The following SH3YL1 variants were observed in gnomAD, a reference collection of about 807,000 sequenced individuals.
SH3YL1 encodes the protein SH3 and SYLF domain containing 1.
In SH3YL1, 41 loss-of-function variants were observed where a neutral mutation model predicts 45.8. The ratio of observed to expected loss-of-function variants is 0.89; its 90% CI spans 0.70 to 1.16. The LOEUF is 1.16. Ranked by LOEUF, SH3YL1 falls within the 50% of genes most tolerant of loss-of-function variation. The pLI is 0.00. For missense variants in SH3YL1, 389 were observed against 409.6 expected (o/e 0.95, Z 0.43); for synonymous variants, 152 against 151.4 (o/e 1.00, Z -0.03).
upstream of SH3YL1, chr2:264,352 C>T (rs910823477): frequency 1.1e-5 from 3 of 266,780 alleles, no homozygotes; most frequent in Non-Finnish European, 2.1e-5. Flanking sequence ...GTGACCCGCC[C>T]AGCCCCTCTA....
At chr2:260,777 C>T (rs1206407661) in intron 1 of SH3YL1, 1 of 152,218 alleles carries the variant, frequency 6.6e-6, no homozygotes, top group Non-Finnish European at 1.5e-5. Flanking sequence ...AATCTTATCC[C>T]CTCAGAAGAC....
chr2:235,379 A>G (rs1411118156), intron 4 of SH3YL1, among the ~76,000 whole-genome samples: 4 of 101,626 alleles, frequency 3.9e-5, no homozygotes, highest in Non-Finnish European at 9.4e-5. Context: ...GGGAGGCAGC[A>G]GCATGGGCCA....
At chr2:228,437 A>G (rs1667879249) in intron 8 of SH3YL1, among the ~76,000 whole-genome samples, 1 of 152,222 alleles carries the variant, frequency 6.6e-6, no homozygotes, top group African/African-American at 2.4e-5. Context: ...GTCCACAGTC[A>G]TTTTTAAATC....
chr2:229,728 CAAAAAAAAAAA>C (rs397709071), intron 8 of SH3YL1, among the ~76,000 whole-genome samples: 1 of 93,378 alleles, frequency 1.1e-5, no homozygotes, highest in Non-Finnish European at 2.0e-5. Flanking sequence ...GACTCCGTCT[CAAAAAAAAAAA>C]AAAAAAAAAA....
At chr2:230,804 A>G in intron 7 of SH3YL1, 1 of 544,676 alleles carries the variant, frequency 1.8e-6, no homozygotes, top group East Asian at 3.2e-5. Context: ...ACAAAGTTCC[A>G]TCCTTGGAGA....
intron 1 of SH3YL1, chr2:256,388 C>G (rs558625581): frequency 6.6e-6 from 1 of 152,242 alleles, no homozygotes; most frequent in South Asian, 2.1e-4. Context: ...CTTTGTAAGC[C>G]TTTTGTAAAA....
chr2:244,773 G>C (rs1422311267), intron 4 of SH3YL1: 1 of 152,106 alleles, frequency 6.6e-6, no homozygotes, highest in African/African-American at 2.4e-5. Context: ...AGAAAGTCTC[G>C]GCCTTCCCGG....
rs560305716 is a variant in SH3YL1 at position 239,077 on chromosome 2, T to C, written c.292-4805A>G. 4.6e-5 allele frequency among the ~76,000 whole-genome samples: 7 copies of C among 152,298 alleles called. No individual in the cohort carries two copies. In the South Asian group the frequency reaches 1.4e-3, roughly 32 times the overall value. ...ACTCTCCAGTGAAACCACAGCACGATGCAATAAGCTATCCAGGAGCAGCCT... is the reference window on the plus strand; with the variant it reads ...ACTCTCCAGTGAAACCACAGCACGACGCAATAAGCTATCCAGGAGCAGCCT... On this transcript the variant is annotated intron_variant, in intron 4 of 9. Transcript: ENST00000356150.
At chr2:257,587 G>A (rs982621227) in intron 1 of SH3YL1, among the ~76,000 whole-genome samples, 1 of 152,168 alleles carries the variant, frequency 6.6e-6, no homozygotes. Flanking sequence ...AAAATGATGA[G>A]CTGTAACCAA....
At chr2:229,724 G>A (rs1382908611) in intron 8 of SH3YL1, among the ~76,000 whole-genome samples, 12 of 88,098 alleles carry the variant, frequency 1.4e-4, no homozygotes, top group East Asian at 4.1e-4. Context: ...GCGAGACTCC[G>A]TCTCAAAAAA....
intron 1 of SH3YL1, 96 bp downstream of exon 1, chr2:263,888 G>C (rs1357919518): frequency 1.9e-6 from 2 of 1,053,328 alleles, no homozygotes; most frequent in Non-Finnish European, 2.9e-6. Flanking sequence ...AGAAACCCCA[G>C]AGGCATCGCC....
At chr2:237,853 C>CTGAGT (rs1668372971) in intron 4 of SH3YL1, among the ~76,000 whole-genome samples, 2 of 152,110 alleles carry the variant, frequency 1.3e-5, no homozygotes, top group Admixed American at 6.5e-5. Context: ...AACTGAATAA[C>CTGAGT]TCAGATGCAA....
chr2:262,306 T>A (rs868696914), intron 1 of SH3YL1: 1 of 188,940 alleles, frequency 5.3e-6, no homozygotes, highest in Non-Finnish European at 1.1e-5. Flanking sequence ...AACTCCCTAG[T>A]CAAACTTTCA....
At chr2:226,687 G>A (rs1667798059) in intron 8 of SH3YL1, among the ~76,000 whole-genome samples, 1 of 152,072 alleles carries the variant, frequency 6.6e-6, no homozygotes. Flanking sequence ...ATGGACAGTG[G>A]GGAATGTGTA....
chr2:227,081 T>G (rs12463725), intron 8 of SH3YL1, among the ~76,000 whole-genome samples: 1,554 of 149,842 alleles, frequency 0.01, 64 homozygotes, highest in Admixed American at 0.087. Flanking sequence ...GCAACTATAG[T>G]GGGGACTATT....
chr2:232,443 T>C (rs1203955606), intron 6 of SH3YL1, among the ~76,000 whole-genome samples: 1 of 26,070 alleles, frequency 3.8e-5, no homozygotes, highest in Admixed American at 3.2e-4. Flanking sequence ...ATGTTTAAGT[T>C]TCTTTTTTTT....
chr2:246,119 T>C (rs1668795027), intron 4 of SH3YL1, among the ~76,000 whole-genome samples: 1 of 150,586 alleles, frequency 6.6e-6, no homozygotes, highest in Non-Finnish European at 1.5e-5. Flanking sequence ...CGCTTGAAAC[T>C]GGGAGGTGGA....
chr2:258,719 T>C (rs760089831), intron 1 of SH3YL1, among the ~76,000 whole-genome samples: 10 of 152,186 alleles, frequency 6.6e-5, no homozygotes, highest in Non-Finnish European at 1.3e-4. Context: ...CTGGGCTCTC[T>C]CCTGGGTGCC....
At chr2:226,935 A>T (rs1235420994) in intron 8 of SH3YL1, among the ~76,000 whole-genome samples, 3 of 152,172 alleles carry the variant, frequency 2.0e-5, no homozygotes, top group African/African-American at 7.2e-5. Context: ...TATGGTGGAT[A>T]GTAACCATGG....
Sources: gnomAD v4.1 joint callset for allele counts (sites outside exome capture counted in the v4.1 genomes callset) on GRCh38, gnomAD v4.1.1 for gene constraint, MANE v1.5 for transcripts, NCBI Gene and HGNC (gene_info 2026-07-23, HGNC 2026-07-21) for gene names.